Variants in HERC6 observed in about 807,000 individuals in gnomAD.
HERC6 encodes the protein probable E3 ubiquitin-protein ligase HERC6.
In HERC6, 101 loss-of-function variants were observed where a neutral mutation model predicts 114.5. The ratio of observed to expected loss-of-function variants is 0.88; its 90% CI spans 0.75 to 1.04. The LOEUF (loss-of-function observed/expected upper bound fraction) is 1.04, where lower values mean the gene tolerates loss of function less well. HERC6 is among the 50% of genes least tolerant of loss of function. HERC6 has a pLI of 0.00. For missense variants in HERC6, 1,133 were observed against 1,230.9 expected, an observed-to-expected ratio of 0.92 and a Z score of 1.19; for synonymous variants, 408 against 436.2, an observed-to-expected ratio of 0.94 and a Z score of 0.81.
chr4:88,393,409 A>G, intron 4 of HERC6, 79 bp from the exon 5 acceptor site: 1 of 681,750 alleles, frequency 1.5e-6, no homozygotes, highest in Non-Finnish European at 2.3e-6. Flanking sequence ...AAAGAAATAT[A>G]AAAAGATATT....
intron 12 of HERC6, among the ~76,000 whole-genome samples, chr4:88,416,665 C>T (rs1175010170): frequency 6.6e-6 from 1 of 151,890 alleles, no homozygotes; most frequent in Non-Finnish European, 1.5e-5. Context: ...TGGTTAAACA[C>T]TATTTTTTCT....
In HERC6 at chr4:88,439,813, C is replaced by A. The variant is rs972339731; in HGVS notation, c.2556-61C>A. ...TAGTAAAAAGAACAAAGTATAAAATCTTTTAATCATTGGCCTTTTCCTTCC... is the reference window on the plus strand; with the variant it reads ...TAGTAAAAAGAACAAAGTATAAAATATTTTAATCATTGGCCTTTTCCTTCC... On this transcript the variant is annotated intron_variant, in intron 20 of 22. Coordinates refer to ENST00000264346, the MANE Select transcript of HERC6 (RefSeq NM_017912.4). 2.5e-5 allele frequency: 34 copies of A among 1,348,374 alleles called. No individual in the cohort carries two copies. In the South Asian group the frequency reaches 4.1e-4, roughly 16 times the overall value. The allele number at this position is 1,348,374 out of a possible 1,614,324, so 83.5% of individuals were successfully genotyped here. A position where few individuals can be genotyped will look rare whatever the true frequency, so the allele number is the denominator to read the frequency against.
At chr4:88,402,048 C>T (rs1735570120) in intron 8 of HERC6, among the ~76,000 whole-genome samples, 1 of 152,082 alleles carries the variant, frequency 6.6e-6, no homozygotes, top group South Asian at 2.1e-4. Context: ...GGAATCTAAG[C>T]TGGGTAAGGA....
intron 17 of HERC6, among the ~76,000 whole-genome samples, chr4:88,432,263 T>C (rs560649048): frequency 4.5e-4 from 68 of 152,194 alleles, no homozygotes; most frequent in African/African-American, 1.6e-3. Flanking sequence ...TTCGGTCCTA[T>C]CCCCAAGATA....
At chr4:88,419,798 T>A (rs1736847357) in intron 13 of HERC6, among the ~76,000 whole-genome samples, 1 of 152,182 alleles carries the variant, frequency 6.6e-6, no homozygotes, top group Non-Finnish European at 1.5e-5. Flanking sequence ...AAACATAATA[T>A]TTGGTCTCGG....
Position 88,379,136 on chromosome 4 carries a change from C to T in HERC6, c.199+16C>T. On this transcript the variant is annotated intron_variant, in intron 1 of 22. Coordinates refer to ENST00000264346, the MANE Select transcript of HERC6 (RefSeq NM_017912.4). ...GAGCTGCCAGGTGAGCGGGGGGCCC[C>T]AGGTGCAGGGTGTGAGGACCCCAGT... 1 of 1,532,810 alleles carries T rather than the reference C, an allele frequency of 6.5e-7. No homozygotes were observed. Among genetic ancestry groups the T allele is most frequent in the Non-Finnish European group, 8.8e-7 (1 of 1,142,786 alleles). 95.0% of individuals were successfully genotyped at this position (1,532,810 alleles called of 1,614,324 possible).
chr4:88,411,709 G>C (rs758934352), intron 11 of HERC6, among the ~76,000 whole-genome samples: 43 of 152,170 alleles, frequency 2.8e-4, no homozygotes, highest in Non-Finnish European at 5.4e-4. Context: ...GTCCAACAAG[G>C]GTTGGAGGTC....
At chr4:88,405,086 G>T (rs1735756304) in intron 9 of HERC6, 89 bp downstream of exon 9, 1 of 1,496,646 alleles carries the variant, frequency 6.7e-7, no homozygotes, top group Non-Finnish European at 9.0e-7. Flanking sequence ...TGGTTTTGTT[G>T]TGAAGGTATT....
intron 4 of HERC6, among the ~76,000 whole-genome samples, chr4:88,391,981 T>TTCCCTCCCCTCCCCTTC (rs1290134250): frequency 1.8e-5 from 1 of 54,300 alleles, no homozygotes; most frequent in South Asian, 1.1e-3. Flanking sequence ...TCCCTTTCCC[T>TTCCCTCCCCTCCCCTTC]TCCCTCCCCT....
intron 17 of HERC6, 94 bp downstream of exon 17, chr4:88,431,399 CATATA>C: frequency 7.4e-7 from 1 of 1,360,442 alleles, no homozygotes; most frequent in Non-Finnish European, 1.0e-6. Flanking sequence ...AAAATTAGGT[CATATA>C]GAGCTTTGCT....
chr4:88,383,763 C>CAAAAAAAAAAAAAAAAAAAAAAAAAA (rs753643806), intron 2 of HERC6, among the ~76,000 whole-genome samples: 1 of 28,740 alleles, frequency 3.5e-5, no homozygotes, highest in South Asian at 2.0e-3. Context: ...GACTCAGTCT[C>CAAAAAAAAAAAAAAAAAAAAAAAAAA]AAAAAAAAAA....
At chr4:88,402,027 T>A (rs934159113) in intron 8 of HERC6, among the ~76,000 whole-genome samples, 1 of 152,164 alleles carries the variant, frequency 6.6e-6, no homozygotes, top group African/African-American at 2.4e-5. Flanking sequence ...GTGATTATAG[T>A]GATGAACCAT....
In HERC6 at chr4:88,415,887, G is replaced by A. The variant is rs562919810; in HGVS notation, c.1559-1538G>A. Among the ~76,000 whole-genome samples the A allele has an allele frequency of 2.1e-4, 32 of 152,276 alleles. No homozygotes were observed. In the South Asian group the frequency reaches 5.8e-3, roughly 28 times the overall value. On this transcript the variant is annotated intron_variant, in intron 12 of 22. Coordinates refer to ENST00000264346, the MANE Select transcript of HERC6 (RefSeq NM_017912.4). Reference sequence around the variant, plus strand: ...AAACCTCAAATATGCCTCTTCAAGAGGTTTGCAGATGGGGTTTTTAAGGGG... The same window carrying A: ...AAACCTCAAATATGCCTCTTCAAGAAGTTTGCAGATGGGGTTTTTAAGGGG...
At chr4:88,410,057 A>C (rs532398764) in intron 11 of HERC6, among the ~76,000 whole-genome samples, 1 of 152,312 alleles carries the variant, frequency 6.6e-6, no homozygotes, top group Admixed American at 6.5e-5. Context: ...GGCAGTGTGA[A>C]CCCCAAATAT....
chr4:88,417,465 G>A lies in HERC6; in HGVS notation c.1599G>A (p.Pro533=), dbSNP rs376755325. The change falls in exon 13 of 23, where the codon CCG becomes CCA. Residue 533 remains proline, a synonymous_variant. Coordinates refer to ENST00000264346, the MANE Select transcript of HERC6 (RefSeq NM_017912.4). ...WAFLQESSLN[P]LIQMLKAAII... ...TTTTGCAAGAATCTTCTCTGAATCC[G>A]CTGATCCAGATGCTTAAAGCAGCCA... The A allele has an allele frequency of 6.2e-6, 10 of 1,610,534 alleles. No homozygotes were observed. In the East Asian group the frequency reaches 6.7e-5, roughly 11 times the overall value.
At position 88,383,243 on chromosome 4, in the gene HERC6, C is replaced by T; in HGVS notation, c.222C>T (p.Thr74=). 5 of 1,610,174 alleles carry T rather than the reference C, an allele frequency of 3.1e-6. No individual in the cohort carries two copies. Among genetic ancestry groups the T allele is most frequent in the Non-Finnish European group, 8.5e-7 (1 of 1,178,310 alleles). The change falls in exon 2 of 23, where the codon ACC becomes ACT. Residue 74 remains threonine (T), a synonymous_variant. Transcript: ENST00000264346. The part of the protein sequence containing the change: ...ELPEPIQALE[T]LIVDLVSCGK... ...AAGAACCAATTCAGGCATTGGAAAC[C>T]CTAATTGTTGATCTCGTGAGCTGCG...
Position 88,393,563 on chromosome 4 carries a change from A to C in HERC6, c.740A>C (p.His247Pro). 2 of 1,610,684 alleles carry C rather than the reference A, an allele frequency of 1.2e-6. No individual in the cohort carries two copies. The highest frequency in any genetic ancestry group is 1.7e-6 in the Non-Finnish European group (2 of 1,177,522). Residue 247 changes from histidine (H) to proline (P), a missense_variant, in exon 5 of 23, where the codon CAC (histidine) becomes CCC (proline). By Grantham distance (77) the His-to-Pro change is moderately conservative. Transcript: ENST00000264346. ...GTTTATATCAGCTGTGGTGATGCAC[A>C]CACTGCGGTGCTTACCCAGGTAATC... ...GVVYISCGDA[H>P]TAVLTQDGKV...
intron 10 of HERC6, 54 bp downstream of exon 10, chr4:88,405,667 T>A (rs1735783410): frequency 1.0e-6 from 1 of 976,686 alleles, no homozygotes; most frequent in African/African-American, 1.7e-5. Flanking sequence ...ATATTTAAAA[T>A]GAAATGTTTC....
Position 88,424,659 on chromosome 4 carries a change from C to G in HERC6, c.1892C>G (p.Ser631Cys), listed in dbSNP as rs1737419662. 1 of 1,611,516 alleles carries G rather than the reference C, an allele frequency of 6.2e-7. No individual in the cohort carries two copies. The highest frequency in any genetic ancestry group is 8.5e-7 in the Non-Finnish European group (1 of 1,178,510). The change falls in exon 15 of 23, where the codon TCC becomes TGC. Residue 631 changes from serine (S) to cysteine (C), a missense_variant. Ser to Cys is a moderately radical substitution (Grantham distance 112). Around this residue, in one of 3 missense-constraint regions of HERC6, gnomAD observed 10 missense variants for 31.1 expected, o/e 0.32. Coordinates refer to ENST00000264346, the MANE Select transcript of HERC6 (RefSeq NM_017912.4). ...TTTCCATTTATCTTTAATTCGCTAT[C>G]CAAAATTAAATTATTGCAAGCTGAT... ...SDFPFIFNSL[S>C]KIKLLQADSH...
Sources: gnomAD v4.1 joint callset for allele counts (sites outside exome capture counted in the v4.1 genomes callset) on GRCh38, gnomAD v4.1.1 for gene constraint, gnomAD v4.1.1 regional missense constraint, MANE v1.5 for transcripts, NCBI Gene and HGNC (gene_info 2026-07-23, HGNC 2026-07-21) for gene names.